OR10J1: variants seen among roughly 807,000 people sequenced by gnomAD.
OR10J1 encodes olfactory receptor 10J1.
For synonymous variants in OR10J1, 202 were observed against 143.8 expected (o/e 1.40, Z -2.89); for missense variants, 474 against 376.6 (o/e 1.26, Z -2.14).
the OR10J1 span, among the ~76,000 whole-genome samples, chr1:159,418,064 G>A: frequency 1.3e-5 from 2 of 152,194 alleles, no homozygotes; most frequent in Non-Finnish European, 2.9e-5. Context: ...AAGCATTCAA[G>A]AGGTGACTTT....
the OR10J1 span, among the ~76,000 whole-genome samples, chr1:159,410,439 G>C: frequency 6.6e-6 from 1 of 152,124 alleles, no homozygotes; most frequent in African/African-American, 2.4e-5. Context: ...GGGTGTATGC[G>C]TCAAGGAATT....
chr1:159,440,565 C>T lies in OR10J1; in HGVS notation c.774C>T (p.Tyr258=). The T allele has an allele frequency of 6.2e-7, 1 of 1,614,032 alleles. No individual in the cohort carries two copies. Reference sequence around the variant, plus strand: ...ACTACAGCTGTGCCTCCATTGCCTACCTCAAGCCCAAGTCAGAGAACACCA... The same window carrying T: ...ACTACAGCTGTGCCTCCATTGCCTATCTCAAGCCCAAGTCAGAGAACACCA... ...IVHYSCASIA[Y]LKPKSENTRE... is the part of the protein sequence containing the mutation. The change falls in exon 1 of 1, where the codon TAC becomes TAT. Residue 258 remains tyrosine, a synonymous_variant. Coordinates refer to ENST00000423932, the MANE Select transcript of OR10J1 (RefSeq NM_012351.3).
At position 159,440,120 on chromosome 1, in the gene OR10J1, C is replaced by T. The variant is rs76241483; in HGVS notation, c.329C>T (p.Thr110Ile). The T allele has an allele frequency of 1.0e-3, 1,670 of 1,614,146 alleles. 21 individuals carry two copies. The African/African-American group carries it at 0.017, about 16-fold the overall frequency. The part of the protein sequence containing the change: ...QMFFFVTFGI[T>I]NCFLLTAMGY... ...TTCTTTTTTGTAACCTTTGGCATCA[C>T]TAACTGCTTCCTGCTCACAGCAATG... is the stretch of plus-strand genomic sequence containing the variant. The change falls in exon 1 of 1, where the codon ACT (threonine) becomes ATT (isoleucine). Residue 110 changes from threonine to isoleucine, a missense_variant. Thr to Ile is a moderately conservative substitution (Grantham distance 89, BLOSUM62 -1). Transcript: ENST00000423932.
the OR10J1 span, among the ~76,000 whole-genome samples, chr1:159,404,546 T>C: frequency 6.6e-6 from 1 of 152,136 alleles, no homozygotes; most frequent in Admixed American, 6.6e-5. Context: ...AAAATTATTA[T>C]GGCAGTTTTC....
the OR10J1 span, among the ~76,000 whole-genome samples, chr1:159,407,919 A>C: frequency 9.2e-5 from 14 of 152,026 alleles, no homozygotes; most frequent in Non-Finnish European, 5.9e-5. Flanking sequence ...ATAGAAAAGA[A>C]AGGTAAATGG....
In OR10J1 at chr1:159,440,661, C is replaced by A. The variant is rs759274035; in HGVS notation, c.870C>A (p.Thr290=). The A allele has an allele frequency of 4.3e-6, 7 of 1,613,904 alleles. No homozygotes were observed. Among genetic ancestry groups the A allele is most frequent in the Non-Finnish European group, 5.9e-6 (7 of 1,179,976 alleles). Residue 290 remains threonine, a synonymous_variant, in exon 1 of 1, where the codon ACC becomes ACA. Coordinates refer to ENST00000423932, the MANE Select transcript of OR10J1 (RefSeq NM_012351.3). ...CCCTACTGAACCCTGTGGTATACACCCTGAGAAATAAAGAGGTCAAAGATG... is the reference window on the plus strand; with the variant it reads ...CCCTACTGAACCCTGTGGTATACACACTGAGAAATAAAGAGGTCAAAGATG... ...ITPLLNPVVY[T]LRNKEVKDAL... is the part of the protein sequence containing the mutation.
At chr1:159,402,800 C>G in the OR10J1 span, among the ~76,000 whole-genome samples, 5 of 151,810 alleles carry the variant, frequency 3.3e-5, no homozygotes, top group Non-Finnish European at 7.4e-5. Flanking sequence ...TCAGAATAGC[C>G]AAAGCTAGCC....
At chr1:159,433,998 CA>C (rs1322610721), upstream of OR10J1, among the ~76,000 whole-genome samples, 1 of 152,180 alleles carries the variant, frequency 6.6e-6, no homozygotes, top group African/African-American at 2.4e-5. Context: ...TTAACACTTT[CA>C]GGCTGTTTGT....
the OR10J1 span, among the ~76,000 whole-genome samples, chr1:159,412,309 A>C: frequency 6.7e-6 from 1 of 148,246 alleles, no homozygotes; most frequent in Non-Finnish European, 1.5e-5. Context: ...GCTACCAATG[A>C]CTTTCTTCAC....
At chr1:159,402,477 A>T in the OR10J1 span, among the ~76,000 whole-genome samples, 42 of 152,180 alleles carry the variant, frequency 2.8e-4, no homozygotes, top group Admixed American at 9.8e-4. Context: ...CAAAGATGTG[A>T]AAAACAAATT....
the OR10J1 span, among the ~76,000 whole-genome samples, chr1:159,430,864 A>G: frequency 6.6e-6 from 1 of 152,326 alleles, no homozygotes; most frequent in East Asian, 1.9e-4. Flanking sequence ...TATGAAGTAG[A>G]CATTATTATT....
chr1:159,406,043 G>A, the OR10J1 span: 2 of 424,332 alleles, frequency 4.7e-6, no homozygotes, highest in Non-Finnish European at 9.1e-6. Flanking sequence ...AGTTGTTGAT[G>A]CCAAAAGTCA....
At chr1:159,438,040 G>A (rs546189567), upstream of OR10J1, 1 of 152,358 alleles carries the variant, frequency 6.6e-6, no homozygotes, top group African/African-American at 2.4e-5. Context: ...GCTAAGCAGA[G>A]TCATGTGAGT....
At chr1:159,415,232 G>T in the OR10J1 span, among the ~76,000 whole-genome samples, 1 of 152,022 alleles carries the variant, frequency 6.6e-6, no homozygotes, top group African/African-American at 2.4e-5. Flanking sequence ...GATCCATCTT[G>T]AGTTGATTTT....
chr1:159,409,509 A>T, the OR10J1 span, among the ~76,000 whole-genome samples: 1 of 152,076 alleles, frequency 6.6e-6, no homozygotes, highest in Non-Finnish European at 1.5e-5. Context: ...ACTGAGACTT[A>T]CCTGCCTCTT....
chr1:159,433,696 G>A (rs180977677), upstream of OR10J1, among the ~76,000 whole-genome samples: 124 of 152,272 alleles, frequency 8.1e-4, no homozygotes, highest in East Asian at 0.021. Context: ...CCTTTCCTCT[G>A]AGGGCACTCC....
upstream of OR10J1, among the ~76,000 whole-genome samples, chr1:159,433,664 C>T (rs974124007): frequency 1.3e-5 from 2 of 152,140 alleles, no homozygotes; most frequent in Non-Finnish European, 2.9e-5. Flanking sequence ...GATTCCCCTG[C>T]CCCATCCTGC....
At chr1:159,406,463 G>GT in the OR10J1 span, 1 of 273,980 alleles carries the variant, frequency 3.6e-6, no homozygotes, top group South Asian at 4.4e-5. Context: ...AGCAGCATCA[G>GT]TTTTTTGGAT....
At chr1:159,410,173 T>G in the OR10J1 span, among the ~76,000 whole-genome samples, 3 of 152,168 alleles carry the variant, frequency 2.0e-5, no homozygotes, top group Non-Finnish European at 4.4e-5. Flanking sequence ...TTTGGTTGTG[T>G]CTCTGCCCGG....
Sources: gnomAD v4.1 joint callset for allele counts (sites outside exome capture counted in the v4.1 genomes callset) on GRCh38, gnomAD v4.1.1 for gene constraint, MANE v1.5 for transcripts, NCBI Gene and HGNC (gene_info 2026-07-23, HGNC 2026-07-21) for gene names.